The following CACNA2D1 variants were observed in gnomAD, a reference collection of about 807,000 sequenced individuals.
The protein encoded by CACNA2D1 is voltage-dependent calcium channel subunit alpha-2/delta-1.
In CACNA2D1, 53 loss-of-function variants were observed where a neutral mutation model predicts 171.5. The ratio of observed to expected loss-of-function variants is 0.31; its 90% confidence interval spans 0.25 to 0.39. CACNA2D1 has a LOEUF of 0.39. Among genes scored for constraint, CACNA2D1 ranks in the 10% least tolerant of loss-of-function variants. The pLI, the probability that CACNA2D1 is intolerant of heterozygous loss-of-function variation, is 1.00. For missense variants in CACNA2D1, 903 were observed against 1,299.8 expected (o/e 0.69, Z 4.69); for synonymous variants, 442 against 443.1 (o/e 1.00, Z 0.03).
chr7:82,099,810 A>C (rs1189085632), intron 6 of CACNA2D1, among the ~76,000 whole-genome samples: 1 of 152,138 alleles, frequency 6.6e-6, no homozygotes, highest in Non-Finnish European at 1.5e-5. Context: ...ATCAGATCAT[A>C]TTATTCTGTT....
chr7:82,406,647 T>C (rs947487884), intron 1 of CACNA2D1, among the ~76,000 whole-genome samples: 1 of 152,246 alleles, frequency 6.6e-6, no homozygotes, highest in Admixed American at 6.5e-5. Flanking sequence ...TGGCCAGTGA[T>C]GATGAGCATT....
chr7:81,992,729 A>G (rs1797677138), intron 20 of CACNA2D1, among the ~76,000 whole-genome samples: 1 of 152,184 alleles, frequency 6.6e-6, no homozygotes, highest in South Asian at 2.1e-4. Flanking sequence ...TTTAAACATT[A>G]TTACTAATTT....
chr7:82,393,078 G>GAAGGAAGGAAGA (rs1825342027), intron 1 of CACNA2D1, among the ~76,000 whole-genome samples: 2 of 117,958 alleles, frequency 1.7e-5, no homozygotes, highest in African/African-American at 7.0e-5. Context: ...AGGAAGGAAG[G>GAAGGAAGGAAGA]AAGGAAGGCA....
At chr7:82,212,725 A>AT (rs1800696415) in intron 3 of CACNA2D1, among the ~76,000 whole-genome samples, 1 of 152,158 alleles carries the variant, frequency 6.6e-6, no homozygotes, top group Non-Finnish European at 1.5e-5. Flanking sequence ...GTTACAATAC[A>AT]TTTTTTATTG....
chr7:82,021,023 T>G (rs767070855), intron 12 of CACNA2D1: 23 of 152,180 alleles, frequency 1.5e-4, no homozygotes, highest in Non-Finnish European at 2.4e-4. Flanking sequence ...TTTCATACTA[T>G]GATATTTTTA....
intron 21 of CACNA2D1, among the ~76,000 whole-genome samples, chr7:81,988,079 T>C (rs902037532): frequency 5.9e-5 from 9 of 152,118 alleles, no homozygotes; most frequent in Non-Finnish European, 5.9e-5. Flanking sequence ...CTTATAACTG[T>C]AGGAGAGCCA....
At chr7:82,234,587 GA>G (rs1803328822) in intron 3 of CACNA2D1, among the ~76,000 whole-genome samples, 1 of 138,530 alleles carries the variant, frequency 7.2e-6, no homozygotes, top group African/African-American at 2.5e-5. Flanking sequence ...TATCACTTTA[GA>G]AAAAAAATAG....
In CACNA2D1 at chr7:82,216,240, C is replaced by T. The variant is rs370293470; in HGVS notation, c.295-45631G>A. On this transcript the variant is annotated intron_variant, in intron 3 of 38. Coordinates refer to ENST00000356860, the MANE Select transcript of CACNA2D1 (RefSeq NM_000722.4). Reference sequence around the variant, plus strand: ...GTTCAGCATCAATTTGAGAAGTTCCCAAGCCTAAAACAATCCAATGGAGAG... The same window carrying T: ...GTTCAGCATCAATTTGAGAAGTTCCTAAGCCTAAAACAATCCAATGGAGAG... Among the ~76,000 whole-genome samples the T allele has an allele frequency of 2.0e-4, 30 of 152,058 alleles. 1 individual carries two copies. Among genetic ancestry groups the T allele is most frequent in the Admixed American group, 9.8e-4 (15 of 15,270 alleles).
chr7:82,156,025 A>T (rs1011678658), intron 4 of CACNA2D1, among the ~76,000 whole-genome samples: 5 of 152,198 alleles, frequency 3.3e-5, no homozygotes, highest in African/African-American at 1.2e-4. Flanking sequence ...ACTAAAAATT[A>T]AAAAGTGGGT....
At chr7:82,170,031 G>A (rs1795854700) in intron 4 of CACNA2D1, among the ~76,000 whole-genome samples, 1 of 151,466 alleles carries the variant, frequency 6.6e-6, no homozygotes, top group Non-Finnish European at 1.5e-5. Flanking sequence ...ATTTCTCAAA[G>A]TAGGCCAGAG....
At chr7:81,952,467 A>G (rs1353833713) in intron 38 of CACNA2D1, among the ~76,000 whole-genome samples, 1 of 152,156 alleles carries the variant, frequency 6.6e-6, no homozygotes, top group Non-Finnish European at 1.5e-5. Context: ...TTTAGTTTCA[A>G]TCAATTTACA....
chr7:82,170,461 C>A lies in CACNA2D1; in HGVS notation c.354+89G>T, dbSNP rs556427294. 9.9e-5 allele frequency: 96 copies of A among 972,664 alleles called. No individual in the cohort carries two copies. The African/African-American group carries it at 1.4e-3, about 15-fold the overall frequency. 60.3% of individuals were successfully genotyped at this position (972,664 alleles called of 1,614,324 possible). A position where few individuals can be genotyped will look rare whatever the true frequency, so the allele number is the denominator to read the frequency against. On this transcript the variant is annotated intron_variant, in intron 4 of 38. Transcript: ENST00000356860. ...TTAATCCCACAACATCATAAGATTCCATCATTAAAATATATTTTAATATGC... is the reference window on the plus strand; with the variant it reads ...TTAATCCCACAACATCATAAGATTCAATCATTAAAATATATTTTAATATGC...
At chr7:82,392,332 G>A (rs1468310403) in intron 1 of CACNA2D1, among the ~76,000 whole-genome samples, 2 of 152,140 alleles carry the variant, frequency 1.3e-5, no homozygotes, top group Admixed American at 6.5e-5. Context: ...CTTCAGGTGG[G>A]GGGCCACCCT....
chr7:82,436,144 C>A (rs3823915), intron 1 of CACNA2D1, among the ~76,000 whole-genome samples: 96,198 of 151,682 alleles, frequency 0.63, 31,894 homozygotes, highest in African/African-American at 0.82. Context: ...GAATAATAAT[C>A]ATCATCACGT....
At chr7:82,231,045 T>C (rs1802875161) in intron 3 of CACNA2D1, among the ~76,000 whole-genome samples, 1 of 152,210 alleles carries the variant, frequency 6.6e-6, no homozygotes, top group Non-Finnish European at 1.5e-5. Context: ...AATGTTCCTC[T>C]TGAAATGTTC....
At chr7:82,057,216 G>T (rs547493032) in intron 10 of CACNA2D1, among the ~76,000 whole-genome samples, 2 of 152,218 alleles carry the variant, frequency 1.3e-5, no homozygotes, top group South Asian at 4.2e-4. Flanking sequence ...GTCATAGTGG[G>T]AATATTTGCA....
At chr7:82,424,022 T>A (rs933597698) in intron 1 of CACNA2D1, among the ~76,000 whole-genome samples, 1 of 152,210 alleles carries the variant, frequency 6.6e-6, no homozygotes, top group Non-Finnish European at 1.5e-5. Flanking sequence ...TTCATTCCAT[T>A]TCACAAAAAT....
At chr7:82,296,022 C>T (rs1027963652) in intron 3 of CACNA2D1, among the ~76,000 whole-genome samples, 15 of 151,492 alleles carry the variant, frequency 9.9e-5, no homozygotes, top group African/African-American at 2.9e-4. Flanking sequence ...AAAAACCAAA[C>T]ACCTCATGTT....
chr7:82,090,850 T>C (rs1287651043), intron 6 of CACNA2D1, among the ~76,000 whole-genome samples: 1 of 152,174 alleles, frequency 6.6e-6, no homozygotes, highest in Non-Finnish European at 1.5e-5. Context: ...AGTATGATTC[T>C]AAACAAAAGA....
Sources: allele counts gnomAD v4.1 joint callset (sites outside exome capture counted in the v4.1 genomes callset), GRCh38; gene constraint gnomAD v4.1.1; transcripts MANE v1.5; gene names NCBI Gene and HGNC (gene_info 2026-07-23, HGNC 2026-07-21).